Variants in PALM2AKAP2 observed in about 807,000 individuals in gnomAD.
PALM2AKAP2 encodes PALM2-AKAP2 fusion protein.
Under a neutral mutation model 71.5 loss-of-function variants are expected in PALM2AKAP2, and 37 were observed. The ratio of observed to expected loss-of-function variants is 0.52; its 90% CI spans 0.40 to 0.68. The LOEUF is 0.68. Ranked by LOEUF, PALM2AKAP2 falls within the 30% of genes least tolerant of loss-of-function variation. PALM2AKAP2 has a pLI of 0.00. For missense variants in PALM2AKAP2, 1,224 were observed against 1,191.8 expected, an observed-to-expected ratio of 1.03 and a Z score of -0.40; for synonymous variants, 468 against 478.8, an observed-to-expected ratio of 0.98 and a Z score of 0.29.
intron 1 of PALM2AKAP2, among the ~76,000 whole-genome samples, chr9:109,764,525 C>T (rs1829116771): frequency 6.6e-6 from 1 of 152,148 alleles, no homozygotes; most frequent in Non-Finnish European, 1.5e-5. Flanking sequence ...TGGCAGTTCC[C>T]CTAGATCCCA....
chr9:110,119,400 T>A lies in PALM2AKAP2; in HGVS notation c.157-16727T>A, dbSNP rs559605912. Among the ~76,000 whole-genome samples the A allele has an allele frequency of 4.0e-4, 61 of 151,082 alleles. 2 individuals carry two copies. Among genetic ancestry groups the A allele is most frequent in the African/African-American group, 1.4e-3 (56 of 41,188 alleles). ...GATAACAGTTCCCTATTAATTTAGG[T>A]TATTTCTAGTCTTTTATTATTGCAA... is the stretch of plus-strand genomic sequence containing the variant. On this transcript the variant is annotated intron_variant, in intron 1 of 3. Transcript: ENST00000374525.
At position 110,106,747 on chromosome 9, in the gene PALM2AKAP2, CA is replaced by C. The variant is rs368092431; in HGVS notation, c.157-29378del. On this transcript the variant is annotated intron_variant, in intron 1 of 3. Transcript: ENST00000374525. ...GGCAATGTTGCTTTGTATGGGTGCA[CA>C]AGGGGATATGTGCATTTAAATCCGT... is the stretch of plus-strand genomic sequence containing the variant. 1.2e-3 allele frequency among the ~76,000 whole-genome samples: 179 copies of C among 152,294 alleles called. 1 individual carries two copies. The highest frequency in any genetic ancestry group is 4.1e-3 in the African/African-American group (169 of 41,538).
chr9:109,952,321 C>A (rs143067867), intron 6 of PALM2AKAP2, among the ~76,000 whole-genome samples: 142 of 152,316 alleles, frequency 9.3e-4, no homozygotes, highest in Middle Eastern at 3.4e-3. Context: ...AAAATTATTG[C>A]ATGAAAGAAT....
intron 1 of PALM2AKAP2, among the ~76,000 whole-genome samples, chr9:109,743,055 C>T (rs1828739408): frequency 6.6e-6 from 1 of 152,148 alleles, no homozygotes; most frequent in South Asian, 2.1e-4. Context: ...CTGAGTCCCC[C>T]TCCCATTTTT....
At chr9:109,782,114 AG>A (rs1312459334) in intron 1 of PALM2AKAP2, among the ~76,000 whole-genome samples, 3 of 152,228 alleles carry the variant, frequency 2.0e-5, no homozygotes, top group Non-Finnish European at 4.4e-5. Flanking sequence ...ACTCCATGAA[AG>A]GACTTGCTTT....
intron 7 of PALM2AKAP2, among the ~76,000 whole-genome samples, chr9:110,018,261 C>A (rs919244815): frequency 5.3e-5 from 8 of 152,194 alleles, no homozygotes; most frequent in South Asian, 4.2e-4. Flanking sequence ...ATTTTTCATC[C>A]ATAAGAACTG....
intron 1 of PALM2AKAP2, among the ~76,000 whole-genome samples, chr9:109,800,254 A>G (rs1827385288): frequency 6.6e-6 from 1 of 152,256 alleles, no homozygotes; most frequent in Admixed American, 6.5e-5. Context: ...GGGCCAAAGA[A>G]CTAATATTGT....
At chr9:109,776,983 A>G (rs2118779026), upstream of PALM2AKAP2, among the ~76,000 whole-genome samples, 1 of 152,330 alleles carries the variant, frequency 6.6e-6, no homozygotes, top group African/African-American at 2.4e-5. Flanking sequence ...CCTAACTCCC[A>G]CATCACCCTG....
At chr9:109,848,219 T>C (rs1402698400) in intron 1 of PALM2AKAP2, among the ~76,000 whole-genome samples, 1 of 152,212 alleles carries the variant, frequency 6.6e-6, no homozygotes, top group Non-Finnish European at 1.5e-5. Flanking sequence ...TGCAGACTTT[T>C]GTTCAACCCC....
At chr9:110,015,654 A>C (rs989824933) in intron 6 of PALM2AKAP2, among the ~76,000 whole-genome samples, 2 of 152,158 alleles carry the variant, frequency 1.3e-5, no homozygotes, top group Non-Finnish European at 2.9e-5. Context: ...GAAAAGAAGA[A>C]GACGAAGAGT....
intron 2 of PALM2AKAP2, among the ~76,000 whole-genome samples, chr9:110,150,304 G>T (rs1297466069): frequency 6.6e-6 from 1 of 152,214 alleles, no homozygotes; most frequent in Non-Finnish European, 1.5e-5. Context: ...GTATTTTATG[G>T]CAGCTCAAAC....
intron 2 of PALM2AKAP2, among the ~76,000 whole-genome samples, chr9:110,144,070 AC>A (rs1836102271): frequency 6.6e-6 from 1 of 152,250 alleles, no homozygotes; most frequent in Admixed American, 6.5e-5. Flanking sequence ...TATGTTTGCG[AC>A]TGTCCACACA....
At chr9:109,770,326 A>G (rs920003016) in intron 1 of PALM2AKAP2, among the ~76,000 whole-genome samples, 1 of 152,144 alleles carries the variant, frequency 6.6e-6, no homozygotes, top group Non-Finnish European at 1.5e-5. Context: ...AATTCAAGGA[A>G]TTCCTGATAC....
At chr9:110,137,750 G>T in exon 2 of PALM2AKAP2, 1 of 1,614,198 alleles carries the variant, frequency 6.2e-7, no homozygotes, top group Non-Finnish European at 8.5e-7. Flanking sequence ...TGACAGCGGG[G>T]CATCCAATGA....
intron 3 of PALM2AKAP2, among the ~76,000 whole-genome samples, chr9:109,919,453 T>C (rs1350880922): frequency 1.3e-5 from 2 of 152,224 alleles, no homozygotes; most frequent in Non-Finnish European, 2.9e-5. Context: ...TTAATTCCAT[T>C]ACTCAGAGAC....
At chr9:109,969,336 C>G (rs1832020705) in intron 6 of PALM2AKAP2, among the ~76,000 whole-genome samples, 1 of 152,244 alleles carries the variant, frequency 6.6e-6, no homozygotes, top group Non-Finnish European at 1.5e-5. Context: ...TCGCCTGAAA[C>G]AGTCTCCCGC....
At chr9:109,685,447 T>A (rs1414580665) in intron 1 of PALM2AKAP2, among the ~76,000 whole-genome samples, 3 of 151,854 alleles carry the variant, frequency 2.0e-5, no homozygotes, top group Non-Finnish European at 4.4e-5. Context: ...GTCACACAAG[T>A]TTTTTTTGGT....
intron 6 of PALM2AKAP2, among the ~76,000 whole-genome samples, chr9:109,966,495 C>T (rs1372994726): frequency 6.6e-6 from 1 of 152,226 alleles, no homozygotes; most frequent in Non-Finnish European, 1.5e-5. Context: ...TCTTTCTGTC[C>T]TGTTTCTTCC....
rs570200333 is a variant in PALM2AKAP2, at chr9:109,736,957, C to T, written c.6-43531C>T. 2.0e-3 allele frequency among the ~76,000 whole-genome samples: 303 copies of T among 152,318 alleles called. 2 individuals carry two copies. The highest frequency in any genetic ancestry group is 7.0e-3 in the African/African-American group (290 of 41,570). ...TGAATCACTACCACTGTCGCCGTCT[C>T]TTTTGTATATTAGCCTTGGCCATGC... On this transcript the variant is annotated intron_variant, in intron 1 of 6. Coordinates refer to the PALM2AKAP2 transcript ENST00000374531.
Sources: gnomAD v4.1 joint callset for allele counts (sites outside exome capture counted in the v4.1 genomes callset) on GRCh38, gnomAD v4.1.1 for gene constraint, MANE v1.5 for transcripts, NCBI Gene and HGNC (gene_info 2026-07-23, HGNC 2026-07-21) for gene names.